The following ANKRD44 variants were observed in gnomAD, a reference collection of about 807,000 sequenced individuals.
ANKRD44 encodes the protein serine/threonine-protein phosphatase 6 regulatory ankyrin repeat subunit B.
Under a neutral mutation model 116.0 loss-of-function variants are expected in ANKRD44, and 35 were observed. The ratio of observed to expected loss-of-function variants is 0.30; its 90% confidence interval spans 0.23 to 0.40. The LOEUF is 0.40. Ranked by LOEUF, ANKRD44 falls within the 10% of genes least tolerant of loss-of-function variation. The probability of loss-of-function intolerance (pLI) is 1.00; values close to 1 mark genes in which losing one functional copy is unlikely to be tolerated. For synonymous variants in ANKRD44, 435 were observed against 461.8 expected (o/e 0.94, Z 0.74); for missense variants, 1,014 against 1,242.6 (o/e 0.82, Z 2.77).
intron 17 of ANKRD44, 84 bp from the exon 18 acceptor site, chr2:197,013,796 G>T: frequency 6.9e-7 from 1 of 1,446,148 alleles, no homozygotes; most frequent in Non-Finnish European, 9.6e-7. Flanking sequence ...TGGGCTTCCT[G>T]GGCCATGGAT....
chr2:196,981,948 C>T (rs1430197778), downstream of ANKRD44, among the ~76,000 whole-genome samples: 2 of 151,368 alleles, frequency 1.3e-5, no homozygotes, highest in Admixed American at 1.3e-4. Flanking sequence ...ATCTTGGTCT[C>T]TTGGTTTTCC....
At chr2:197,009,798 T>C (rs967351505) in intron 18 of ANKRD44, among the ~76,000 whole-genome samples, 2 of 152,166 alleles carry the variant, frequency 1.3e-5, no homozygotes, top group African/African-American at 4.8e-5. Context: ...CCCTTCTTCC[T>C]AGCAGGGTGC....
At chr2:196,974,659 G>A (rs376430727) in intron 21 of ANKRD44, among the ~76,000 whole-genome samples, 5 of 152,012 alleles carry the variant, frequency 3.3e-5, no homozygotes, top group Non-Finnish European at 7.4e-5. Flanking sequence ...GTAGGCCAAG[G>A]CAGGCAGATC....
intron 2 of ANKRD44, among the ~76,000 whole-genome samples, chr2:197,180,489 A>T (rs2080476899): frequency 6.6e-6 from 1 of 152,148 alleles, no homozygotes; most frequent in Non-Finnish European, 1.5e-5. Flanking sequence ...TGCCACCGCC[A>T]TTCCCTGCAG....
rs982140362 is a variant in ANKRD44 at position 197,233,430 on chromosome 2, A to G, written c.28-46324T>C. On this transcript the variant is annotated intron_variant, in intron 1 of 27. Coordinates refer to ENST00000282272, the MANE Select transcript of ANKRD44 (RefSeq NM_001195144.2). Reference sequence around the variant, plus strand: ...ATTTAATTATATAAATAATATTATTAAGCAAATTAAATGCTGCATTTTTCT... The same window carrying G: ...ATTTAATTATATAAATAATATTATTGAGCAAATTAAATGCTGCATTTTTCT... 2.0e-5 allele frequency among the ~76,000 whole-genome samples: 3 copies of G among 152,166 alleles called. No homozygotes were observed. The East Asian group carries it at 5.8e-4, about 29-fold the overall frequency.
chr2:197,015,996 A>ATGG (rs1289363795), intron 17 of ANKRD44: 3 of 539,026 alleles, frequency 5.6e-6, no homozygotes, highest in Non-Finnish European at 1.1e-5. Context: ...AGTGGTGGAT[A>ATGG]TGGTAGCAGA....
At chr2:197,281,319 C>T (rs2083257928) in intron 1 of ANKRD44, among the ~76,000 whole-genome samples, 1 of 152,002 alleles carries the variant, frequency 6.6e-6, no homozygotes, top group Admixed American at 6.6e-5. Flanking sequence ...CATCCTGCTC[C>T]CCACCTCCTG....
chr2:197,106,348 G>T (rs1248597358), intron 9 of ANKRD44, among the ~76,000 whole-genome samples: 1 of 152,190 alleles, frequency 6.6e-6, no homozygotes, highest in Non-Finnish European at 1.5e-5. Flanking sequence ...GAGAGGCTGA[G>T]GCAGGGGAAT....
At chr2:197,170,747 G>C (rs2080212527) in intron 2 of ANKRD44, among the ~76,000 whole-genome samples, 1 of 152,192 alleles carries the variant, frequency 6.6e-6, no homozygotes, top group Non-Finnish European at 1.5e-5. Flanking sequence ...AAAATGAGAT[G>C]CAGAGTTTAG....
rs747838298 is a variant in ANKRD44 at position 197,187,048 on chromosome 2, T to C, written c.86A>G (p.His29Arg). ...GDPEEIRMLI[H>R]KTEDVNTLDS... ...CAGAGTATTCACATCTTCAGTTTTATGGATGAGCATCCGGATCTCCTCTGG... is the reference window on the plus strand; with the variant it reads ...CAGAGTATTCACATCTTCAGTTTTACGGATGAGCATCCGGATCTCCTCTGG... Residue 29 changes from histidine to arginine, a missense_variant, in exon 2 of 28, where the codon CAT becomes CGT. His to Arg is a conservative substitution (Grantham distance 29). Coordinates refer to ENST00000282272, the MANE Select transcript of ANKRD44 (RefSeq NM_001195144.2). 118 of 1,614,042 alleles carry C rather than the reference T, an allele frequency of 7.3e-5. 1 individual carries two copies. Among genetic ancestry groups the C allele is most frequent in the South Asian group, 3.1e-4 (28 of 91,082 alleles).
chr2:197,113,376 A>C (rs2078634584), intron 8 of ANKRD44, among the ~76,000 whole-genome samples: 1 of 152,210 alleles, frequency 6.6e-6, no homozygotes, highest in Non-Finnish European at 1.5e-5. Context: ...GAAGGCAGAA[A>C]TTGTGGAGTT....
chr2:197,145,601 T>C (rs1014966537), intron 3 of ANKRD44, among the ~76,000 whole-genome samples: 1 of 152,250 alleles, frequency 6.6e-6, no homozygotes, highest in South Asian at 2.1e-4. Context: ...TAACCTAAGC[T>C]CCATGTGACC....
chr2:197,304,622 A>G (rs1372068188), intron 1 of ANKRD44, among the ~76,000 whole-genome samples: 1 of 152,146 alleles, frequency 6.6e-6, no homozygotes, highest in East Asian at 1.9e-4. Flanking sequence ...ATCCAGTCCA[A>G]CCTCTTCATT....
rs768902337 is a variant in ANKRD44, at chr2:197,009,008, A to C, written c.1948T>G (p.Leu650Val). The change falls in exon 19 of 28, where the codon TTA (leucine) becomes GTA (valine). Residue 650 changes from leucine (L) to valine (V), a missense_variant. Leu to Val is a conservative substitution (Grantham distance 32). Coordinates refer to ENST00000282272, the MANE Select transcript of ANKRD44 (RefSeq NM_001195144.2). Reference protein sequence around the residue: ...ASVINGHTLCLRLLLEIADNP... With the variant: ...ASVINGHTLCVRLLLEIADNP... ...TCTGCAATTTCTAGCAACAGCCGTAAACACAGTGTGTGACCATTAATTACT... is the reference window on the plus strand; with the variant it reads ...TCTGCAATTTCTAGCAACAGCCGTACACACAGTGTGTGACCATTAATTACT... The C allele has an allele frequency of 1.9e-6, 3 of 1,614,132 alleles. No homozygotes were observed. In the Admixed American group the frequency reaches 5.0e-5, roughly 27 times the overall value.
At chr2:197,081,754 A>T in intron 14 of ANKRD44, 29 bp from the exon 15 acceptor site, 1 of 1,566,152 alleles carries the variant, frequency 6.4e-7, no homozygotes, top group South Asian at 1.1e-5. Context: ...AGAAAAAAAA[A>T]TTGCAATTAA....
At chr2:197,308,217 A>G (rs1232587799) in intron 1 of ANKRD44, among the ~76,000 whole-genome samples, 2 of 152,002 alleles carry the variant, frequency 1.3e-5, no homozygotes, top group African/African-American at 4.8e-5. Flanking sequence ...TTGTTTTACT[A>G]GAAGCTGAAT....
chr2:196,984,930 T>C (rs977169958), downstream of ANKRD44, among the ~76,000 whole-genome samples: 3 of 152,202 alleles, frequency 2.0e-5, no homozygotes, highest in South Asian at 2.1e-4. Context: ...TGAGTATAGA[T>C]TGGACTTAGT....
At chr2:196,976,832 C>A (rs1227472142) in intron 21 of ANKRD44, among the ~76,000 whole-genome samples, 1 of 151,444 alleles carries the variant, frequency 6.6e-6, no homozygotes, top group Non-Finnish European at 1.5e-5. Flanking sequence ...CATGCCACTG[C>A]ACTCCAGCCT....
At chr2:197,128,609 T>C (rs2079030391) in intron 4 of ANKRD44, among the ~76,000 whole-genome samples, 1 of 152,224 alleles carries the variant, frequency 6.6e-6, no homozygotes, top group African/African-American at 2.4e-5. Flanking sequence ...CTGATGATAG[T>C]TTCTTTTGCT....
Sources: gnomAD v4.1 joint callset for allele counts (sites outside exome capture counted in the v4.1 genomes callset) on GRCh38, gnomAD v4.1.1 for gene constraint, MANE v1.5 for transcripts, NCBI Gene and HGNC (gene_info 2026-07-23, HGNC 2026-07-21) for gene names.